Variants in TRAPPC10 observed in about 807,000 individuals in gnomAD.
TRAPPC10 encodes the protein TRAPP 130 kDa subunit.
TRAPPC10 carries 23 observed loss-of-function variants against 125.5 expected under a neutral mutation model. The observed-to-expected ratio is 0.18, with a 90% CI of 0.13 to 0.26. The LOEUF is 0.26. TRAPPC10 is among the 10% of genes least tolerant of loss of function. The pLI is 1.00. For synonymous variants in TRAPPC10, 509 were observed against 518.0 expected (o/e 0.98, Z 0.24); for missense variants, 1,123 against 1,308.4 (o/e 0.86, Z 2.19).
chr21:44,034,703 A>G (rs2033859543), intron 2 of TRAPPC10, among the ~76,000 whole-genome samples: 1 of 152,236 alleles, frequency 6.6e-6, no homozygotes, highest in Admixed American at 6.5e-5. Flanking sequence ...TGGTTAAGAT[A>G]AGGACCTCAC....
chr21:44,051,597 C>T (rs1464395671), intron 3 of TRAPPC10, among the ~76,000 whole-genome samples: 1 of 152,214 alleles, frequency 6.6e-6, no homozygotes, highest in African/African-American at 2.4e-5. Flanking sequence ...CATGCTTGGG[C>T]CTCTGCGTGA....
At position 44,094,125 on chromosome 21, in the gene TRAPPC10, C is replaced by T; in HGVS notation, c.3060C>T (p.Pro1020=). ...VWELKWTEEP[P]PSLHCRFSVG... ...AACTCAAGTGGACAGAAGAGCCTCCCCCTTCTCTGCATTGCCGGTTCTCTG... is the reference window on the plus strand; with the variant it reads ...AACTCAAGTGGACAGAAGAGCCTCCTCCTTCTCTGCATTGCCGGTTCTCTG... Residue 1020 remains proline, a synonymous_variant, in exon 20 of 23, where the codon CCC becomes CCT. Transcript: ENST00000291574. The T allele has an allele frequency of 1.2e-6, 2 of 1,614,224 alleles. No homozygotes were observed. Among genetic ancestry groups the T allele is most frequent in the Non-Finnish European group, 1.7e-6 (2 of 1,180,042 alleles).
intron 10 of TRAPPC10, among the ~76,000 whole-genome samples, 179 bp downstream of exon 10, chr21:44,076,807 G>C (rs1046998396): frequency 6.6e-6 from 1 of 152,112 alleles, no homozygotes; most frequent in Non-Finnish European, 1.5e-5. Context: ...CATCAAATGT[G>C]TATTAGTGCC....
At chr21:44,037,479 C>T (rs917124934) in intron 2 of TRAPPC10, among the ~76,000 whole-genome samples, 3 of 152,098 alleles carry the variant, frequency 2.0e-5, no homozygotes, top group Admixed American at 6.5e-5. Context: ...TTATAGATTC[C>T]GTTACACTGA....
At chr21:44,079,307 A>G (rs2037505826) in intron 11 of TRAPPC10, among the ~76,000 whole-genome samples, 1 of 152,178 alleles carries the variant, frequency 6.6e-6, no homozygotes, top group Non-Finnish European at 1.5e-5. Flanking sequence ...ACATGTGTAT[A>G]AAGCCAGACC....
chr21:44,040,068 A>G (rs2034301813), intron 3 of TRAPPC10, among the ~76,000 whole-genome samples: 1 of 152,182 alleles, frequency 6.6e-6, no homozygotes, highest in African/African-American at 2.4e-5. Flanking sequence ...AACAGCTCCA[A>G]ATTTGCAACT....
intron 4 of TRAPPC10, among the ~76,000 whole-genome samples, chr21:44,053,367 C>T (rs1289341766): frequency 1.3e-5 from 2 of 151,548 alleles, no homozygotes; most frequent in Non-Finnish European, 2.9e-5. Flanking sequence ...TTGTTTTTTT[C>T]ACTCAATATA....
intron 1 of TRAPPC10, among the ~76,000 whole-genome samples, chr21:44,026,730 A>G (rs1034345115): frequency 2.0e-5 from 3 of 152,224 alleles, no homozygotes; most frequent in African/African-American, 7.2e-5. Context: ...GGAGGGCCTT[A>G]AAATTAGTTC....
intron 19 of TRAPPC10, 122 bp downstream of exon 19, chr21:44,092,171 G>C (rs2038630262): frequency 1.6e-6 from 2 of 1,288,272 alleles, no homozygotes; most frequent in Non-Finnish European, 2.1e-6. Context: ...ATGAGTAAAG[G>C]CTCCTGTGCA....
chr21:44,087,904 C>G lies in TRAPPC10; in HGVS notation c.2745C>G (p.Arg915=). ...ATAAGGACAAACAGAGAACTGGCCG[C>G]TGCATGGTTACCACAGACCACAAAG... is the stretch of plus-strand genomic sequence containing the variant. ...RKHKDKQRTG[R]CMVTTDHKVS... The change falls in exon 17 of 23, where the codon CGC becomes CGG. Residue 915 remains arginine, a synonymous_variant. Transcript: ENST00000291574. The surrounding 1 kb of genome is among the most constrained non-coding windows in gnomAD (Gnocchi z 4.6). 6.2e-7 allele frequency: 1 copy of G among 1,613,968 alleles called. No individual in the cohort carries two copies. Among genetic ancestry groups the G allele is most frequent in the Non-Finnish European group, 8.5e-7 (1 of 1,179,976 alleles).
chr21:44,023,270 C>CG (rs953238762), intron 1 of TRAPPC10, among the ~76,000 whole-genome samples: 2 of 151,712 alleles, frequency 1.3e-5, no homozygotes, highest in African/African-American at 4.8e-5. Flanking sequence ...CTGACCTCGT[C>CG]GTGATCCTCC....
At chr21:44,051,692 T>C (rs2035243034) in intron 3 of TRAPPC10, among the ~76,000 whole-genome samples, 2 of 152,246 alleles carry the variant, frequency 1.3e-5, no homozygotes, top group Admixed American at 6.5e-5. Context: ...CAGGTCGCCT[T>C]CTTTCTGAGG....
intron 1 of TRAPPC10, among the ~76,000 whole-genome samples, chr21:44,029,320 A>C (rs2033367098): frequency 1.3e-5 from 2 of 152,166 alleles, no homozygotes; most frequent in South Asian, 4.1e-4. Flanking sequence ...GATCTCTATC[A>C]CTTGACCTTG....
intron 1 of TRAPPC10, among the ~76,000 whole-genome samples, chr21:44,019,801 G>A (rs530156264): frequency 2.0e-4 from 30 of 152,188 alleles, no homozygotes; most frequent in Non-Finnish European, 4.0e-4. Context: ...TACCAAGCGC[G>A]CAGTGGCCGG....
intron 1 of TRAPPC10, among the ~76,000 whole-genome samples, chr21:44,026,342 A>AT (rs1436790147): frequency 6.6e-6 from 1 of 152,054 alleles, no homozygotes; most frequent in Non-Finnish European, 1.5e-5. Flanking sequence ...TGAAGCATTA[A>AT]TTTTCATTAC....
intron 5 of TRAPPC10, among the ~76,000 whole-genome samples, chr21:44,056,262 A>G (rs564191521): frequency 6.6e-5 from 10 of 152,228 alleles, no homozygotes; most frequent in African/African-American, 1.2e-4. Context: ...CAACTCTTCC[A>G]TACAGAAGAA....
At chr21:44,036,204 G>T (rs1439315117) in intron 2 of TRAPPC10, among the ~76,000 whole-genome samples, 1 of 152,106 alleles carries the variant, frequency 6.6e-6, no homozygotes, top group Non-Finnish European at 1.5e-5. Flanking sequence ...CAGGGAATCA[G>T]AGAGAAACAG....
chr21:44,045,027 C>T (rs540630453), intron 3 of TRAPPC10, among the ~76,000 whole-genome samples: 7 of 152,220 alleles, frequency 4.6e-5, no homozygotes, highest in East Asian at 1.9e-4. Context: ...CTCCGCCTCC[C>T]GGGTTCAAGC....
At chr21:44,076,527 G>T (rs2037296824) in intron 9 of TRAPPC10, 25 bp from the exon 10 acceptor site, 2 of 1,583,876 alleles carry the variant, frequency 1.3e-6, no homozygotes, top group East Asian at 4.5e-5. Context: ...AGATGAAGAG[G>T]GACTCTCGTT....
Sources: allele counts gnomAD v4.1 joint callset (sites outside exome capture counted in the v4.1 genomes callset), GRCh38; gene constraint gnomAD v4.1.1; non-coding constraint Gnocchi (gnomAD v3.1); transcripts MANE v1.5; gene names NCBI Gene and HGNC (gene_info 2026-07-23, HGNC 2026-07-21).